Variants in NDUFV3 observed in about 807,000 individuals in gnomAD.
NDUFV3 encodes the protein NADH dehydrogenase [ubiquinone] flavoprotein 3, mitochondrial.
NDUFV3 carries 44 observed loss-of-function variants against 37.5 expected under a neutral mutation model. The ratio of observed to expected loss-of-function variants is 1.17; its 90% CI spans 0.92 to 1.51. The LOEUF is 1.51. NDUFV3 is among the 40% of genes most tolerant of loss of function. The pLI, the probability that NDUFV3 is intolerant of heterozygous loss-of-function variation, is 0.00. For missense variants in NDUFV3, 580 were observed against 580.4 expected (o/e 1.00, Z 0.01); for synonymous variants, 235 against 239.3 (o/e 0.98, Z 0.17).
intron 1 of NDUFV3, among the ~76,000 whole-genome samples, chr21:42,896,266 C>T (rs1210528400): frequency 6.0e-5 from 9 of 150,510 alleles, no homozygotes; most frequent in Non-Finnish European, 1.2e-4. Context: ...ACGCCATTCT[C>T]CTGCCTCAGC....
In NDUFV3 at chr21:42,904,988, A is replaced by C. The variant is rs1382729101; in HGVS notation, c.1264+712A>C. Among the ~76,000 whole-genome samples the C allele has an allele frequency of 1.4e-4, 21 of 150,572 alleles. 1 individual carries two copies. Among genetic ancestry groups the C allele is most frequent in the Non-Finnish European group, 4.4e-5 (3 of 67,800 alleles). Reference sequence around the variant, plus strand: ...GTATTTTTAGTAGAGACGGGGTTTCACCATGTTGGCCAGGATGGTCTCAAT... The same window carrying C: ...GTATTTTTAGTAGAGACGGGGTTTCCCCATGTTGGCCAGGATGGTCTCAAT... On this transcript the variant is annotated intron_variant, in intron 3 of 3. Coordinates refer to ENST00000354250, the MANE Select transcript of NDUFV3 (RefSeq NM_021075.4).
At chr21:42,907,918 C>T (rs1245276659) in intron 3 of NDUFV3, among the ~76,000 whole-genome samples, 3 of 151,490 alleles carry the variant, frequency 2.0e-5, no homozygotes, top group African/African-American at 7.3e-5. Flanking sequence ...TAGATTTTAT[C>T]ATGCATCTCT....
At chr21:42,895,984 C>CTT (rs534775972) in intron 1 of NDUFV3, among the ~76,000 whole-genome samples, 7,462 of 130,308 alleles carry the variant, frequency 0.057, 384 homozygotes, top group Non-Finnish European at 0.088. Context: ...GGTTGTTTTT[C>CTT]TTTTTTTTTT....
In NDUFV3 at chr21:42,904,251, A is replaced by G. The variant is rs2058731915; in HGVS notation, c.1239A>G (p.Pro413=). Residue 413 remains proline (P), a synonymous_variant, in exon 3 of 4, where the codon CCA becomes CCG. Transcript: ENST00000354250. ...AGGCCATGGAAGATGCAGCCGCGCCAGGGGACGACCGAGGCGGCACACAGG... is the reference window on the plus strand; with the variant it reads ...AGGCCATGGAAGATGCAGCCGCGCCGGGGGACGACCGAGGCGGCACACAGG... ...EGEAMEDAAA[P]GDDRGGTQEP... The G allele has an allele frequency of 3.1e-6, 5 of 1,608,160 alleles. No homozygotes were observed. The highest frequency in any genetic ancestry group is 4.2e-6 in the Non-Finnish European group (5 of 1,177,154).
chr21:42,903,284 A>G lies in NDUFV3; in HGVS notation c.272A>G (p.Asn91Ser). 10 of 1,614,170 alleles carry G rather than the reference A, an allele frequency of 6.2e-6. No homozygotes were observed. The highest frequency in any genetic ancestry group is 1.1e-5 in the South Asian group (1 of 91,084). Residue 91 changes from asparagine to serine, a missense_variant, in exon 3 of 4, where the codon AAT (asparagine) becomes AGT (serine). By Grantham distance (46) the Asn-to-Ser change is conservative (BLOSUM62 1). Transcript: ENST00000354250. ...SSPSSYPPAV[N>S]KGRKVASPSP... is the part of the protein sequence containing the mutation. ...CCCAGTTCTTACCCGCCAGCTGTGA[A>G]TAAGGGCAGGAAGGTAGCTAGTCCC...
chr21:42,896,839 CA>C, intron 1 of NDUFV3, 87 bp from the exon 2 acceptor site: 10 of 1,357,992 alleles, frequency 7.4e-6, no homozygotes, highest in Admixed American at 3.9e-5. Flanking sequence ...ACCCCTGACT[CA>C]AAAAATATAT....
intron 1 of NDUFV3, 103 bp from the exon 2 acceptor site, chr21:42,896,824 G>C: frequency 1.6e-6 from 2 of 1,233,990 alleles, no homozygotes; most frequent in South Asian, 3.0e-5. Flanking sequence ...GGACGACTGA[G>C]AGAGACCCCT....
intron 1 of NDUFV3, among the ~76,000 whole-genome samples, chr21:42,893,667 C>T (rs988179919): frequency 3.3e-5 from 5 of 152,218 alleles, no homozygotes; most frequent in African/African-American, 1.2e-4. Flanking sequence ...CCGAGGGCTG[C>T]ATGCCTGGGC....
chr21:42,897,877 C>T (rs890603017), intron 2 of NDUFV3, among the ~76,000 whole-genome samples: 5 of 149,022 alleles, frequency 3.4e-5, no homozygotes, highest in African/African-American at 1.2e-4. Context: ...GGGGTTTCAC[C>T]ATGTTAGCCG....
chr21:42,906,628 C>T (rs1012716155), intron 3 of NDUFV3, among the ~76,000 whole-genome samples: 43 of 152,212 alleles, frequency 2.8e-4, no homozygotes, highest in African/African-American at 8.7e-4. Flanking sequence ...TAATATTTCA[C>T]GGGTGTGTTG....
At position 42,908,858 on chromosome 21, in the gene NDUFV3, C is replaced by T. The variant is rs747183811; in HGVS notation, c.1265-6C>T. 6 of 1,614,172 alleles carry T rather than the reference C, an allele frequency of 3.7e-6. No individual in the cohort carries two copies. Among genetic ancestry groups the T allele is most frequent in the Non-Finnish European group, 2.5e-6 (3 of 1,180,022 alleles). On this transcript the variant is annotated splice_polypyrimidine_tract_variant and splice_region_variant and intron_variant, in intron 3 of 3. Transcript: ENST00000354250. Reference sequence around the variant, plus strand: ...TGGTCTCATGGGCATCGTGTTTCCTCCGCAGAGCCAGCCCCAGTGCCTGCT... The same window carrying T: ...TGGTCTCATGGGCATCGTGTTTCCTTCGCAGAGCCAGCCCCAGTGCCTGCT...
intron 2 of NDUFV3, among the ~76,000 whole-genome samples, chr21:42,902,600 C>A (rs1170615758): frequency 6.6e-6 from 1 of 152,294 alleles, no homozygotes; most frequent in South Asian, 2.1e-4. Flanking sequence ...ATTACTAGTA[C>A]AGTATTTGTA....
At position 42,904,071 on chromosome 21, in the gene NDUFV3, A is replaced by T. The variant is rs768148352; in HGVS notation, c.1059A>T (p.Glu353Asp). The part of the protein sequence containing the change: ...RKAAPPLPRK[E>D]TSGTQGIEGH... ...CGGCCCCTCCCCTGCCCAGAAAGGA[A>T]ACCTCAGGGACGCAGGGAATAGAAG... is the stretch of plus-strand genomic sequence containing the variant. The change falls in exon 3 of 4, where the codon GAA becomes GAT. Residue 353 changes from glutamate (E) to aspartate (D), a missense_variant. Coordinates refer to ENST00000354250, the MANE Select transcript of NDUFV3 (RefSeq NM_021075.4). The T allele has an allele frequency of 1.5e-5, 25 of 1,614,112 alleles. No individual in the cohort carries two copies. Among genetic ancestry groups the T allele is most frequent in the Non-Finnish European group, 2.1e-5 (25 of 1,180,044 alleles).
At chr21:42,893,681 A>G (rs1330449133) in intron 1 of NDUFV3, among the ~76,000 whole-genome samples, 1 of 152,308 alleles carries the variant, frequency 6.6e-6, no homozygotes, top group Admixed American at 6.5e-5. Flanking sequence ...CCTGGGCGGC[A>G]GACTCGGGTG....
At chr21:42,906,795 A>G (rs769726880) in intron 3 of NDUFV3, 2 of 501,382 alleles carry the variant, frequency 4.0e-6, no homozygotes, top group African/African-American at 2.0e-5. Context: ...TTGGTCAGTT[A>G]TCACCCTCCC....
chr21:42,895,339 G>T (rs546348670), intron 1 of NDUFV3, among the ~76,000 whole-genome samples: 1 of 152,068 alleles, frequency 6.6e-6, no homozygotes, highest in Non-Finnish European at 1.5e-5. Flanking sequence ...AAACTTGGCC[G>T]GGCATGGTGA....
chr21:42,906,413 A>G (rs1425961176), intron 3 of NDUFV3, among the ~76,000 whole-genome samples: 3 of 151,944 alleles, frequency 2.0e-5, no homozygotes, highest in African/African-American at 4.8e-5. Flanking sequence ...GACAGGATCT[A>G]TGTGTTTTCC....
At chr21:42,894,362 A>ATATATAATATATATTATAT (rs2058674376) in intron 1 of NDUFV3, among the ~76,000 whole-genome samples, 1 of 36,650 alleles carries the variant, frequency 2.7e-5, no homozygotes, top group African/African-American at 4.9e-4. Context: ...AATATATATT[A>ATATATAATATATATTATAT]TATATATATT....
chr21:42,893,450 G>T, intron 1 of NDUFV3, 69 bp downstream of exon 1: 2 of 1,511,260 alleles, frequency 1.3e-6, no homozygotes, highest in South Asian at 2.4e-5. Context: ...GTGAGGGGGC[G>T]CGGTGCTGGT....
Sources: gnomAD v4.1 joint callset for allele counts (sites outside exome capture counted in the v4.1 genomes callset) on GRCh38, gnomAD v4.1.1 for gene constraint, MANE v1.5 for transcripts, NCBI Gene and HGNC (gene_info 2026-07-23, HGNC 2026-07-21) for gene names.